PPP2R5E: variants seen among roughly 807,000 people sequenced by gnomAD.
PPP2R5E encodes the protein protein phosphatase 2 regulatory subunit B'epsilon.
PPP2R5E carries 4 observed loss-of-function variants against 65.3 expected under a neutral mutation model. The ratio of observed to expected loss-of-function variants is 0.06; its 90% CI spans 0.03 to 0.14. The LOEUF is 0.14. PPP2R5E is among the 10% of genes least tolerant of loss of function. The probability of loss-of-function intolerance (pLI) is 1.00; values close to 1 mark genes in which losing one functional copy is unlikely to be tolerated. For synonymous variants in PPP2R5E, 183 were observed against 187.4 expected (o/e 0.98, Z 0.19); for missense variants, 274 against 556.1 (o/e 0.49, Z 5.10).
At chr14:63,380,203 C>T (rs1426878191) in intron 13 of PPP2R5E, among the ~76,000 whole-genome samples, 4 of 152,026 alleles carry the variant, frequency 2.6e-5, no homozygotes, top group Non-Finnish European at 5.9e-5. Context: ...TAATAATGTG[C>T]TTTCAGAGAA....
At chr14:63,511,218 G>A (rs1179563010) in intron 2 of PPP2R5E, among the ~76,000 whole-genome samples, 1 of 152,190 alleles carries the variant, frequency 6.6e-6, no homozygotes, top group Non-Finnish European at 1.5e-5. Flanking sequence ...TTCAAAAGTT[G>A]TTAAGCATTT....
chr14:63,526,514 CTCTCTT>C (rs1488165909), intron 2 of PPP2R5E, among the ~76,000 whole-genome samples: 16 of 152,186 alleles, frequency 1.1e-4, no homozygotes, highest in East Asian at 9.7e-4. Context: ...GTCTCTCTGT[CTCTCTT>C]TCTCTTTCTC....
intron 2 of PPP2R5E, among the ~76,000 whole-genome samples, chr14:63,521,543 G>A (rs1892907150): frequency 2.6e-5 from 4 of 152,076 alleles, no homozygotes; most frequent in Admixed American, 2.6e-4. Flanking sequence ...GGCACATGCC[G>A]GTAATCCCAC....
At chr14:63,376,898 T>C (rs1884017194) in intron 13 of PPP2R5E, among the ~76,000 whole-genome samples, 1 of 152,182 alleles carries the variant, frequency 6.6e-6, no homozygotes, top group Non-Finnish European at 1.5e-5. Flanking sequence ...CTGGGCGCAG[T>C]GGCTCACGCC....
intron 2 of PPP2R5E, among the ~76,000 whole-genome samples, chr14:63,499,735 A>C (rs925352262): frequency 6.6e-6 from 1 of 152,074 alleles, no homozygotes; most frequent in African/African-American, 2.4e-5. Flanking sequence ...TCAGAAAAAA[A>C]AAAAAAAGAA....
chr14:63,472,383 C>A (rs569629237), intron 2 of PPP2R5E, among the ~76,000 whole-genome samples: 1 of 152,198 alleles, frequency 6.6e-6, no homozygotes, highest in African/African-American at 2.4e-5. Context: ...AACCTTCCAG[C>A]CTTCTCCTTT....
At position 63,539,693 on chromosome 14, in the gene PPP2R5E, C is replaced by T. The variant is rs747728059; in HGVS notation, c.-7-1G>A. 1.2e-6 allele frequency: 2 copies of T among 1,611,908 alleles called. No homozygotes were observed. The highest frequency in any genetic ancestry group is 1.7e-6 in the Non-Finnish European group (2 of 1,178,544). On this transcript the variant is annotated splice_acceptor_variant, in intron 1 of 13. Transcript: ENST00000337537. LOFTEE classifies it low-confidence loss of function (5UTR_SPLICE). ...AGTTGGTGCTGAGGACATATCCCTA[C>T]TGAAGAGAAAGAAGTATCATAAACC...
chr14:63,449,872 AT>A (rs35931655), intron 3 of PPP2R5E, among the ~76,000 whole-genome samples: 14,248 of 105,164 alleles, frequency 0.14, 693 homozygotes, highest in African/African-American at 0.26. Context: ...TTCTTTTCCT[AT>A]TTTTTTTTTT....
At chr14:63,422,469 G>A (rs1402120523) in intron 3 of PPP2R5E, among the ~76,000 whole-genome samples, 1 of 152,188 alleles carries the variant, frequency 6.6e-6, no homozygotes, top group African/African-American at 2.4e-5. Flanking sequence ...GCTCACGCCT[G>A]TAATCCCAGC....
At chr14:63,522,916 T>G in intron 2 of PPP2R5E, among the ~76,000 whole-genome samples, 2 of 133,616 alleles carry the variant, frequency 1.5e-5, no homozygotes, top group African/African-American at 2.9e-5. Flanking sequence ...GGTCGGGGGG[T>G]CAGCCCTCTA....
intron 2 of PPP2R5E, among the ~76,000 whole-genome samples, chr14:63,474,927 A>T (rs540442073): frequency 6.6e-6 from 1 of 152,278 alleles, no homozygotes; most frequent in South Asian, 2.1e-4. Context: ...AGAGAATGAG[A>T]AGAAACAGCC....
chr14:63,471,114 G>T (rs12433708), intron 2 of PPP2R5E, among the ~76,000 whole-genome samples: 20,517 of 152,156 alleles, frequency 0.13, 1,485 homozygotes, highest in East Asian at 0.21. Context: ...ACATAAATCT[G>T]CAAAAACACG....
chr14:63,486,709 T>G (rs1430521245), intron 2 of PPP2R5E, among the ~76,000 whole-genome samples: 3 of 152,080 alleles, frequency 2.0e-5, no homozygotes, highest in African/African-American at 7.2e-5. Context: ...CGCATAAACT[T>G]TAAGTCCCAG....
At chr14:63,530,113 C>T (rs1256926764) in intron 2 of PPP2R5E, among the ~76,000 whole-genome samples, 3 of 151,800 alleles carry the variant, frequency 2.0e-5, no homozygotes, top group African/African-American at 7.3e-5. Flanking sequence ...AAAGAATGCA[C>T]ATACACAGAA....
intron 3 of PPP2R5E, among the ~76,000 whole-genome samples, chr14:63,433,507 G>C (rs61995015): frequency 0.088 from 13,420 of 152,074 alleles, 780 homozygotes; most frequent in African/African-American, 0.16. Context: ...GCCTGATTCT[G>C]CAGAGAAGAA....
intron 2 of PPP2R5E, among the ~76,000 whole-genome samples, chr14:63,463,125 A>T (rs74717279): frequency 7.8e-6 from 1 of 128,380 alleles, no homozygotes; most frequent in Admixed American, 7.2e-5. Context: ...AAAAACTAAG[A>T]TGGTTTTTTT....
chr14:63,509,383 C>G (rs1297106693), intron 2 of PPP2R5E, among the ~76,000 whole-genome samples: 2 of 149,310 alleles, frequency 1.3e-5, no homozygotes, highest in Non-Finnish European at 3.0e-5. Context: ...AAGCGATTCT[C>G]GTGCCTTGGC....
At chr14:63,485,151 G>A (rs10148960) in intron 2 of PPP2R5E, among the ~76,000 whole-genome samples, 2 of 146,924 alleles carry the variant, frequency 1.4e-5, no homozygotes, top group Non-Finnish European at 3.0e-5. Context: ...CAGAAGTTTA[G>A]CCTGTTATCT....
chr14:63,492,756 T>C (rs1030236290), intron 2 of PPP2R5E, among the ~76,000 whole-genome samples: 1 of 152,126 alleles, frequency 6.6e-6, no homozygotes, highest in African/African-American at 2.4e-5. Flanking sequence ...TTTGGTTTGG[T>C]TGGGAAGGAT....
Sources: gnomAD v4.1 joint callset for allele counts (sites outside exome capture counted in the v4.1 genomes callset) on GRCh38, gnomAD v4.1.1 for gene constraint, MANE v1.5 for transcripts, NCBI Gene and HGNC (gene_info 2026-07-23, HGNC 2026-07-21) for gene names.